The following SYNE2 variants were observed in gnomAD, a reference collection of about 807,000 sequenced individuals.
SYNE2 encodes spectrin repeat containing nuclear envelope protein 2, also known as nesprin-2.
SYNE2 carries 431 observed loss-of-function variants against 856.3 expected under a neutral mutation model. The ratio of observed to expected loss-of-function variants is 0.50; its 90% CI spans 0.47 to 0.55. The LOEUF (loss-of-function observed/expected upper bound fraction) is 0.55. Among genes scored for constraint, SYNE2 ranks in the 20% least tolerant of loss-of-function variants. The probability of loss-of-function intolerance (pLI) is 0.00; values close to 1 mark genes in which losing one functional copy is unlikely to be tolerated. For synonymous variants in SYNE2, 2,923 were observed against 2,872.3 expected, an observed-to-expected ratio of 1.02 and a Z score of -0.56; for missense variants, 8,129 against 8,023.2, an observed-to-expected ratio of 1.01 and a Z score of -0.50.
chr14:64,163,646 T>A lies in SYNE2; in HGVS notation c.16479+65T>A, dbSNP rs1322856935. 2.5e-6 allele frequency: 4 copies of A among 1,592,156 alleles called. No individual in the cohort carries two copies. In the African/African-American group the frequency reaches 5.4e-5, roughly 21 times the overall value. ...TTTGCATTCCATCCTCAATCCCTTG[T>A]ATCCTTTGAAGCAGTAGTGCTTTAC... is the stretch of plus-strand genomic sequence containing the variant. On this transcript the variant is annotated intron_variant, in intron 89 of 115. Coordinates refer to ENST00000555002, the MANE Select transcript of SYNE2 (RefSeq NM_182914.3).
At chr14:63,884,244 C>T (rs1009646443) in intron 1 of SYNE2, among the ~76,000 whole-genome samples, 8 of 152,148 alleles carry the variant, frequency 5.3e-5, no homozygotes, top group African/African-American at 1.9e-4. Context: ...TCCGGGGGCA[C>T]TTGGAGCAGT....
intron 35 of SYNE2, 73 bp downstream of exon 35, chr14:64,020,166 C>T (rs2096925836): frequency 9.5e-7 from 1 of 1,051,862 alleles, no homozygotes; most frequent in South Asian, 1.3e-5. Context: ...GCACTCCAGC[C>T]TGGGCGACAG....
At chr14:63,838,914 G>A (rs1193767267) in intron 1 of SYNE2, among the ~76,000 whole-genome samples, 1 of 152,160 alleles carries the variant, frequency 6.6e-6, no homozygotes, top group Non-Finnish European at 1.5e-5. Context: ...ATAAGATAAT[G>A]TGAAATTGAT....
At chr14:63,955,170 T>C (rs2096225579) in intron 8 of SYNE2, among the ~76,000 whole-genome samples, 1 of 152,220 alleles carries the variant, frequency 6.6e-6, no homozygotes, top group Non-Finnish European at 1.5e-5. Context: ...TTGATTTTCT[T>C]CTATTATGTT....
chr14:63,846,333 C>G (rs1476496863), intron 1 of SYNE2, among the ~76,000 whole-genome samples: 1 of 152,112 alleles, frequency 6.6e-6, no homozygotes, highest in Non-Finnish European at 1.5e-5. Flanking sequence ...TAGGTGAGAG[C>G]CATCGTGTGT....
chr14:63,829,680 A>T (rs11158514), intron 1 of SYNE2, among the ~76,000 whole-genome samples: 62,958 of 151,958 alleles, frequency 0.41, 14,731 homozygotes, highest in South Asian at 0.55. Flanking sequence ...TAGTGGTGGG[A>T]ATACAGCTCA....
chr14:64,006,104 G>C (rs992728561), intron 30 of SYNE2, among the ~76,000 whole-genome samples: 2 of 152,354 alleles, frequency 1.3e-5, no homozygotes, highest in Middle Eastern at 3.4e-3. Flanking sequence ...GTAGGCAGTA[G>C]AGAATGAAAA....
chr14:63,909,267 G>C (rs2275018), intron 2 of SYNE2, 40 bp downstream of exon 2: 24 of 1,405,528 alleles, frequency 1.7e-5, no homozygotes, highest in Non-Finnish European at 2.4e-5. Context: ...ACAGAAACTG[G>C]GGAAACCTTA....
intron 1 of SYNE2, among the ~76,000 whole-genome samples, chr14:63,840,244 C>A (rs1890004160): frequency 6.6e-6 from 1 of 152,010 alleles, no homozygotes; most frequent in Non-Finnish European, 1.5e-5. Flanking sequence ...GCACTCCAGC[C>A]TGGGGGACAG....
At position 64,202,091 on chromosome 14, in the gene SYNE2, C is replaced by T. The variant is rs1018895346; in HGVS notation, c.18039-710C>T. On this transcript the variant is annotated intron_variant, in intron 99 of 115. Transcript: ENST00000555002. ...GTGTGCTTTCAAATCTGCTCCACGC[C>T]GAGTTGGGCCGGATGGGAGCTGAGG... is the stretch of plus-strand genomic sequence containing the variant. The T allele has an allele frequency of 2.5e-4, 168 of 673,786 alleles. 1 individual carries two copies. The highest frequency in any genetic ancestry group is 4.4e-4 in the Non-Finnish European group (161 of 368,456). The allele number at this position is 673,786 out of a possible 1,614,324, so 41.7% of individuals were successfully genotyped here. A position where few individuals can be genotyped will look rare whatever the true frequency, so the allele number is the denominator to read the frequency against.
chr14:64,171,554 C>CAT (rs2098410818), intron 94 of SYNE2, among the ~76,000 whole-genome samples: 4 of 152,122 alleles, frequency 2.6e-5, no homozygotes, highest in Non-Finnish European at 5.9e-5. Context: ...TAACCTGGGA[C>CAT]TGAATGATGA....
chr14:64,178,590 C>T (rs888011251), intron 96 of SYNE2, among the ~76,000 whole-genome samples: 1 of 152,110 alleles, frequency 6.6e-6, no homozygotes, highest in African/African-American at 2.4e-5. Flanking sequence ...CCCCGAGTAG[C>T]CCAGAGTACA....
At position 64,203,658 on chromosome 14, in the gene SYNE2, C is replaced by CT. The variant is rs200181223; in HGVS notation, c.18201+704dup. On this transcript the variant is annotated intron_variant, in intron 100 of 115. Coordinates refer to ENST00000555002, the MANE Select transcript of SYNE2 (RefSeq NM_182914.3). ...CTTGTAATGCCTGGATATGTCTTTACTTTTTTTTTAAATAGCTAAGTTTAT... is the reference window on the plus strand; with the variant it reads ...CTTGTAATGCCTGGATATGTCTTTACTTTTTTTTTTAAATAGCTAAGTTTAT... Among the ~76,000 whole-genome samples the CT allele has an allele frequency of 5.3e-3, 803 of 151,754 alleles. 6 individuals carry two copies. The highest frequency in any genetic ancestry group is 0.017 in the Middle Eastern group (5 of 294).
chr14:63,983,822 C>A lies in SYNE2; in HGVS notation c.2087C>A (p.Ala696Glu), dbSNP rs1183656711. The change falls in exon 18 of 116, where the codon GCA becomes GAA. Residue 696 changes from alanine (A) to glutamate (E), a missense_variant. By Grantham distance (107) the Ala-to-Glu change is moderately radical. Coordinates refer to ENST00000555002, the MANE Select transcript of SYNE2 (RefSeq NM_182914.3). ...SGNILSKEEK[A>E]TVEFSTDMSV... The stretch of plus-strand genomic sequence containing the variant: ...AATATTCTATCTAAAGAAGAGAAAG[C>A]AACTGTTGAGTTTTCAACAGATATG... 1.9e-6 allele frequency: 3 copies of A among 1,608,618 alleles called. No individual in the cohort carries two copies. Among genetic ancestry groups the A allele is most frequent in the Non-Finnish European group, 2.6e-6 (3 of 1,175,742 alleles).
intron 1 of SYNE2, among the ~76,000 whole-genome samples, chr14:63,865,724 C>CGAA (rs1555352398): frequency 1.0e-5 from 1 of 95,354 alleles, no homozygotes; most frequent in African/African-American, 4.2e-5. Flanking sequence ...ACCCCCCCCC[C>CGAA]AAAAAAAAAG....
intron 11 of SYNE2, among the ~76,000 whole-genome samples, chr14:63,969,683 T>C (rs2096449804): frequency 6.6e-6 from 1 of 151,936 alleles, no homozygotes; most frequent in East Asian, 1.9e-4. Context: ...TGTGTATATG[T>C]ACCACGTTTT....
At chr14:63,866,009 A>T (rs1895207182) in intron 1 of SYNE2, among the ~76,000 whole-genome samples, 1 of 152,076 alleles carries the variant, frequency 6.6e-6, no homozygotes, top group South Asian at 2.1e-4. Flanking sequence ...GGAATTTCAG[A>T]CTATAGTTTT....
chr14:63,841,035 C>A (rs887306915), intron 1 of SYNE2, among the ~76,000 whole-genome samples: 1 of 151,768 alleles, frequency 6.6e-6, no homozygotes, highest in Non-Finnish European at 1.5e-5. Flanking sequence ...CAAAACAAAA[C>A]AAAACAAAAA....
intron 15 of SYNE2, 87 bp from the exon 16 acceptor site, chr14:63,980,899 G>T: frequency 2.7e-6 from 3 of 1,103,712 alleles, no homozygotes; most frequent in East Asian, 2.6e-5. Context: ...TTATTTTGCC[G>T]CTGTCAATTA....
Sources: gnomAD v4.1 joint callset for allele counts (sites outside exome capture counted in the v4.1 genomes callset) on GRCh38, gnomAD v4.1.1 for gene constraint, MANE v1.5 for transcripts, NCBI Gene and HGNC (gene_info 2026-07-23, HGNC 2026-07-21) for gene names.